The following PTK6 variants were observed in gnomAD, a reference collection of about 807,000 sequenced individuals.
PTK6 encodes the protein protein-tyrosine kinase 6.
PTK6 carries 47 observed loss-of-function variants against 47.5 expected under a neutral mutation model. The observed-to-expected ratio is 0.99, with a 90% CI of 0.78 to 1.26. The LOEUF is 1.26. PTK6 is among the 50% of genes most tolerant of loss of function. PTK6 has a pLI of 0.00. For missense variants in PTK6, 618 were observed against 625.3 expected, an observed-to-expected ratio of 0.99 and a Z score of 0.12; for synonymous variants, 287 against 276.5, an observed-to-expected ratio of 1.04 and a Z score of -0.38.
At position 63,535,024 on chromosome 20, in the gene PTK6, A is replaced by C; in HGVS notation, c.266T>G (p.Val89Gly). Residue 89 changes from valine (V) to glycine (G), a missense_variant, in exon 2 of 8, where the codon GTG (valine) becomes GGG (glycine). Physicochemically the swap from Val to Gly is moderately radical, Grantham distance 109. Coordinates refer to ENST00000542869, the MANE Select transcript of PTK6 (RefSeq NM_005975.4). ...GTTGCCCTCGGCCTGCAGCCGACGC[A>C]CAGCTTCCGAGCGGGAGATGCAGCC... Reference protein sequence around the residue: ...FFGCISRSEAVRRLQAEGNAT... With the variant: ...FFGCISRSEAGRRLQAEGNAT... The C allele has an allele frequency of 6.2e-7, 1 of 1,608,518 alleles. No individual in the cohort carries two copies. The highest frequency in any genetic ancestry group is 1.7e-4 in the Middle Eastern group (1 of 6,042).
At position 63,532,676 on chromosome 20, in the gene PTK6, G is replaced by A. The variant is rs757639084; in HGVS notation, c.682C>T (p.His228Tyr). 1.9e-6 allele frequency: 3 copies of A among 1,613,840 alleles called. No homozygotes were observed. The South Asian group carries it at 3.3e-5, about 18-fold the overall frequency. ...IKVISRDNLL[H>Y]QQMLQSEIQA... ...ATCTCCGACTGCAGCATCTGCTGGT[G>A]CAGGAGGTTGTCTGCGGGGACGGGT... The change falls in exon 5 of 8, where the codon CAC becomes TAC. Residue 228 changes from histidine (H) to tyrosine (Y), a missense_variant. His to Tyr is a moderately conservative substitution (Grantham distance 83). Coordinates refer to ENST00000542869, the MANE Select transcript of PTK6 (RefSeq NM_005975.4).
At chr20:63,536,967 G>A in intron 1 of PTK6, 118 bp downstream of exon 1, 1 of 1,096,812 alleles carries the variant, frequency 9.1e-7, no homozygotes, top group Non-Finnish European at 1.3e-6. Flanking sequence ...TGGGGTGCAG[G>A]AAGATGGAAC....
rs200988241 is a variant in PTK6 at position 63,534,920 on chromosome 20, C to T, written c.352+18G>A. 7.0e-5 allele frequency: 110 copies of T among 1,582,570 alleles called. No individual in the cohort carries two copies. The African/African-American group carries it at 7.6e-4, about 11-fold the overall frequency. On this transcript the variant is annotated intron_variant, in intron 2 of 7. Transcript: ENST00000542869. ...GAGCCCCCGCAGGCAAGCACAGGCT[C>T]GGAGGCCGGGGCCGCACCCGACAGG...
rs79248801 is a variant in PTK6 at position 63,533,803 on chromosome 20, G to A, written c.517-99C>T. ...GCCTGGATTTAGCCTCAGATTTAGGGCCACGATCAGCCTGGGTTGGGGGTT... is the reference window on the plus strand; with the variant it reads ...GCCTGGATTTAGCCTCAGATTTAGGACCACGATCAGCCTGGGTTGGGGGTT... On this transcript the variant is annotated intron_variant, in intron 3 of 7. Transcript: ENST00000542869. The surrounding 1 kb of genome is among the most constrained non-coding windows in gnomAD (Gnocchi z 4.0). The A allele has an allele frequency of 7.6e-4, 1,107 of 1,463,392 alleles. 14 individuals carry two copies. The African/African-American group carries it at 0.014, about 19-fold the overall frequency. The allele number at this position is 1,463,392 out of a possible 1,614,324, so 90.7% of individuals were successfully genotyped here.
At position 63,529,810 on chromosome 20, in the gene PTK6, G is replaced by T; in HGVS notation, c.1169-87C>A. ...CACCAGCCATCCACTGCCCCTTCCT[G>T]GGGCCTTCCCCGCAGCCTCAGCTGC... On this transcript the variant is annotated intron_variant, in intron 7 of 7. Coordinates refer to ENST00000542869, the MANE Select transcript of PTK6 (RefSeq NM_005975.4). The surrounding 1 kb of genome is among the most constrained non-coding windows in gnomAD (Gnocchi z 5.6). 7.2e-7 allele frequency: 1 copy of T among 1,381,946 alleles called. No homozygotes were observed. The highest frequency in any genetic ancestry group is 1.5e-5 in the African/African-American group (1 of 67,874). 85.6% of individuals were successfully genotyped at this position (1,381,946 alleles called of 1,614,324 possible).
rs772329894 is a variant in PTK6, at chr20:63,535,050, A to C, written c.240T>G (p.Phe80Leu). 6.3e-7 allele frequency: 1 copy of C among 1,599,764 alleles called. No individual in the cohort carries two copies. Among genetic ancestry groups the C allele is most frequent in the South Asian group, 1.1e-5 (1 of 90,540 alleles). The change falls in exon 2 of 8, where the codon TTT (phenylalanine) becomes TTG (leucine). Residue 80 changes from phenylalanine to leucine, a missense_variant. Physicochemically the swap from Phe to Leu is conservative, Grantham distance 22. Coordinates refer to ENST00000542869, the MANE Select transcript of PTK6 (RefSeq NM_005975.4). ...CAGCTTCCGAGCGGGAGATGCAGCCAAAGAACCACCTGCAGGGGAGGAGTC... is the reference window on the plus strand; with the variant it reads ...CAGCTTCCGAGCGGGAGATGCAGCCCAAGAACCACCTGCAGGGGAGGAGTC... ...RETVESEPWFFGCISRSEAVR... is the reference protein window; with the variant it reads ...RETVESEPWFLGCISRSEAVR...
chr20:63,532,451 GGGGGGGGGGTGT>G, intron 5 of PTK6, 63 bp downstream of exon 5: 1 of 531,480 alleles, frequency 1.9e-6, no homozygotes, highest in Non-Finnish European at 2.3e-6. Flanking sequence ...GTGTAGACGT[GGGGGGGGGGTGT>G]GCACTTTATT....
intron 3 of PTK6, 41 bp downstream of exon 3, chr20:63,534,111 C>G: frequency 6.7e-7 from 1 of 1,497,050 alleles, no homozygotes; most frequent in South Asian, 1.3e-5. Flanking sequence ...TGTGACCCCC[C>G]AGCCTGACCC....
chr20:63,532,348 T>A (rs1186231974), intron 5 of PTK6, among the ~76,000 whole-genome samples, 178 bp downstream of exon 5: 1 of 114,000 alleles, frequency 8.8e-6, no homozygotes, highest in Non-Finnish European at 1.6e-5. Flanking sequence ...TGTGTGTGCA[T>A]GTGTGTCTGT....
rs558036345 is a variant in PTK6 at position 63,535,426 on chromosome 20, A to AC, written c.231-368dup. On this transcript the variant is annotated intron_variant, in intron 1 of 7. Transcript: ENST00000542869. ...CACGCTCACACACACACAGTCACAAACCCCCACACATGCGCACAGTTCACC... is the reference window on the plus strand; with the variant it reads ...CACGCTCACACACACACAGTCACAAACCCCCCACACATGCGCACAGTTCACC... Among the ~76,000 whole-genome samples the AC allele has an allele frequency of 2.0e-4, 30 of 149,996 alleles. No homozygotes were observed. The South Asian group carries it at 6.1e-3, about 30-fold the overall frequency.
At position 63,533,416 on chromosome 20, in the gene PTK6, T is replaced by C. The variant is rs2082640618; in HGVS notation, c.670+135A>G. On this transcript the variant is annotated intron_variant, in intron 4 of 7. Coordinates refer to ENST00000542869, the MANE Select transcript of PTK6 (RefSeq NM_005975.4). This position sits in a 1 kb window ranked among gnomAD's most constrained non-coding sequence, Gnocchi z 4.0. ...ATTTAGGTAAAAACATAGGTGCAAT[T>C]GAAAGGGAACCACTCTCGCATGGAC... is the stretch of plus-strand genomic sequence containing the variant. The C allele has an allele frequency of 1.9e-6, 2 of 1,079,726 alleles. No homozygotes were observed. The highest frequency in any genetic ancestry group is 3.3e-5 in the African/African-American group (2 of 61,186). 66.9% of individuals were successfully genotyped at this position (1,079,726 alleles called of 1,614,324 possible). A position where few individuals can be genotyped will look rare whatever the true frequency, so the allele number is the denominator to read the frequency against.
Position 63,529,529 on chromosome 20 carries a change from C to T in PTK6, c.*7G>A. 1.3e-6 allele frequency: 2 copies of T among 1,559,186 alleles called. No individual in the cohort carries two copies. On this transcript the variant is annotated 3_prime_UTR_variant, in exon 8 of 8. Transcript: ENST00000542869. The surrounding 1 kb of genome is among the most constrained non-coding windows in gnomAD (Gnocchi z 5.6). ...GCAGGGCCCGGCCATGCCCGCTCCA[C>T]AGCAGCTCAGGTCGGGTTCTCGTAG...
chr20:63,528,836 C>G lies in PTK6; in HGVS notation c.*700G>C, dbSNP rs1420749988. 3 of 152,356 alleles carry G rather than the reference C, an allele frequency of 2.0e-5. No homozygotes were observed. Among genetic ancestry groups the G allele is most frequent in the East Asian group, 1.9e-4 (1 of 5,208 alleles). The allele number at this position is 152,356 out of a possible 1,614,324, so 9.4% of individuals were successfully genotyped here. On this transcript the variant is annotated 3_prime_UTR_variant, in exon 8 of 8. Transcript: ENST00000542869. ...TCAGGTGCAAAGGAGGCAGCCCCCC[C>G]AGCCCGGAACCACCCCACAGACAGT...
At position 63,533,561 on chromosome 20, in the gene PTK6, C is replaced by T. The variant is rs2082641902; in HGVS notation, c.660G>A (p.Val220=). 14 of 1,609,412 alleles carry T rather than the reference C, an allele frequency of 8.7e-6. No individual in the cohort carries two copies. In the East Asian group the frequency reaches 3.1e-4, roughly 36 times the overall value. Reference sequence around the variant, plus strand: ...TCGGGGCCCACTCACCTCGAGAAATCACCTTAATGGCCACCTGGACCCGGT... The same window carrying T: ...TCGGGGCCCACTCACCTCGAGAAATTACCTTAATGGCCACCTGGACCCGGT... ...WKDRVQVAIK[V]ISRDNLLHQQ... Residue 220 remains valine, a synonymous_variant, in exon 4 of 8, where the codon GTG becomes GTA. Transcript: ENST00000542869. The surrounding 1 kb of genome is among the most constrained non-coding windows in gnomAD (Gnocchi z 4.0).
chr20:63,536,300 C>T (rs191088668), intron 1 of PTK6, among the ~76,000 whole-genome samples: 2 of 144,276 alleles, frequency 1.4e-5, no homozygotes, highest in East Asian at 4.3e-4. Context: ...TGCTCACTAA[C>T]GAGGTCGTGG....
In PTK6 at chr20:63,533,265, C is replaced by G. The variant is rs2082639553; in HGVS notation, c.670+286G>C. Among the ~76,000 whole-genome samples, 1 of 152,032 alleles carries G rather than the reference C, an allele frequency of 6.6e-6. No individual in the cohort carries two copies. The highest frequency in any genetic ancestry group is 1.5e-5 in the Non-Finnish European group (1 of 68,016). On this transcript the variant is annotated intron_variant, in intron 4 of 7. Transcript: ENST00000542869. The surrounding 1 kb of genome is among the most constrained non-coding windows in gnomAD (Gnocchi z 4.0). The stretch of plus-strand genomic sequence containing the variant: ...GTATTTTTAGTAGAGACGTGGTTTC[C>G]CCATGTTGGCCAGGCTGGTCTCAAA...
At chr20:63,534,803 G>A (rs1029754947) in intron 2 of PTK6, 135 bp downstream of exon 2, 3 of 1,318,006 alleles carry the variant, frequency 2.3e-6, no homozygotes, top group African/African-American at 3.0e-5. Flanking sequence ...GGTGGGCGGA[G>A]GGGATGGGAG....
Position 63,533,953 on chromosome 20 carries a change from C to T in PTK6, c.516+199G>A, listed in dbSNP as rs976636766. On this transcript the variant is annotated intron_variant, in intron 3 of 7. Transcript: ENST00000542869. The surrounding 1 kb of genome is among the most constrained non-coding windows in gnomAD (Gnocchi z 4.0). ...TGGCCTCTCCGAGAGTGGCCAGGCCCGGGGATGGTCTCCTGGCCCCACCCC... is the reference window on the plus strand; with the variant it reads ...TGGCCTCTCCGAGAGTGGCCAGGCCTGGGGATGGTCTCCTGGCCCCACCCC... Among the ~76,000 whole-genome samples, 4 of 152,278 alleles carry T rather than the reference C, an allele frequency of 2.6e-5. No individual in the cohort carries two copies. The highest frequency in any genetic ancestry group is 9.6e-5 in the African/African-American group (4 of 41,562).
chr20:63,529,734 C>T lies in PTK6; in HGVS notation c.1169-11G>A, dbSNP rs779249852. On this transcript the variant is annotated splice_polypyrimidine_tract_variant and intron_variant, in intron 7 of 7. Coordinates refer to ENST00000542869, the MANE Select transcript of PTK6 (RefSeq NM_005975.4). The surrounding 1 kb of genome is among the most constrained non-coding windows in gnomAD (Gnocchi z 5.6). ...CATGGTTGGACATGCCTGCGGCCGA[C>T]AGGGATGAGAAGAGCTGGGGCCCAC... 2.0e-5 allele frequency: 30 copies of T among 1,535,242 alleles called. No individual in the cohort carries two copies. In the African/African-American group the frequency reaches 3.6e-4, roughly 18 times the overall value.
Sources: gnomAD v4.1 joint callset for allele counts (sites outside exome capture counted in the v4.1 genomes callset) on GRCh38, gnomAD v4.1.1 for gene constraint, Gnocchi (gnomAD v3.1) non-coding constraint, MANE v1.5 for transcripts, NCBI Gene and HGNC (gene_info 2026-07-23, HGNC 2026-07-21) for gene names.